BCKDHB: variants seen among roughly 807,000 people sequenced by gnomAD.
BCKDHB encodes the protein branched chain keto acid dehydrogenase E1 subunit beta, also known as 2-oxoisovalerate dehydrogenase subunit beta, mitochondrial.
BCKDHB carries 41 observed loss-of-function variants against 48.5 expected under a neutral mutation model. The ratio of observed to expected loss-of-function variants is 0.85; its 90% CI spans 0.66 to 1.10. The LOEUF (loss-of-function observed/expected upper bound fraction) is 1.10, where lower values mean the gene tolerates loss of function less well. Ranked by LOEUF, BCKDHB falls within the 50% of genes least tolerant of loss-of-function variation. The probability of loss-of-function intolerance (pLI) is 0.00; values close to 1 mark genes in which losing one functional copy is unlikely to be tolerated. For missense variants in BCKDHB, 496 were observed against 494.2 expected (o/e 1.00, Z -0.03); for synonymous variants, 201 against 174.8 (o/e 1.15, Z -1.18).
the BCKDHB span, among the ~76,000 whole-genome samples, chr6:80,417,562 G>T: frequency 6.6e-6 from 1 of 152,174 alleles, no homozygotes; most frequent in African/African-American, 2.4e-5. Flanking sequence ...GCATTTGCTT[G>T]TCTGCAAAAG....
intron 3 of BCKDHB, among the ~76,000 whole-genome samples, 189 bp from the exon 4 acceptor site, chr6:80,167,489 G>T (rs1178568097): frequency 6.6e-6 from 1 of 151,758 alleles, no homozygotes; most frequent in South Asian, 2.1e-4. Context: ...TAATCCTCTT[G>T]CCTTGGCCTC....
At chr6:80,405,324 C>A in the BCKDHB span, among the ~76,000 whole-genome samples, 1 of 151,964 alleles carries the variant, frequency 6.6e-6, no homozygotes, top group African/African-American at 2.4e-5. Flanking sequence ...CACTTAAAGT[C>A]TATTTTGTCT....
At chr6:80,363,234 C>A in the BCKDHB span, among the ~76,000 whole-genome samples, 1 of 152,122 alleles carries the variant, frequency 6.6e-6, no homozygotes, top group East Asian at 1.9e-4. Context: ...AAAGTAATTT[C>A]CAAAAGGTCA....
intron 8 of BCKDHB, among the ~76,000 whole-genome samples, chr6:80,254,133 C>T (rs76222136): frequency 0.051 from 7,750 of 151,748 alleles, 658 homozygotes; most frequent in African/African-American, 0.18. Flanking sequence ...TCATAATCAA[C>T]TCCCAAAAGG....
In BCKDHB at chr6:80,127,493, T is replaced by G. The variant is rs1320065066; in HGVS notation, c.197-54T>G. ...TTGTAATTAACTGTTAAGAAACTGGTTGTTTTTATGTATTTTACAACACAC... is the reference window on the plus strand; with the variant it reads ...TTGTAATTAACTGTTAAGAAACTGGGTGTTTTTATGTATTTTACAACACAC... On this transcript the variant is annotated intron_variant, in intron 1 of 9. Transcript: ENST00000320393. 17 of 1,410,886 alleles carry G rather than the reference T, an allele frequency of 1.2e-5. No homozygotes were observed. The Admixed American group carries it at 2.7e-4, about 22-fold the overall frequency. 87.4% of individuals were successfully genotyped at this position (1,410,886 alleles called of 1,614,324 possible).
At chr6:80,465,621 C>T in the BCKDHB span, 1 of 152,184 alleles carries the variant, frequency 6.6e-6, no homozygotes, top group Non-Finnish European at 1.5e-5. Context: ...CCTCCTTCCA[C>T]CCGTAGGCAA....
chr6:80,281,853 A>G (rs1005873088), intron 9 of BCKDHB, among the ~76,000 whole-genome samples: 4 of 131,924 alleles, frequency 3.0e-5, no homozygotes, highest in Non-Finnish European at 6.7e-5. Flanking sequence ...TAAACTCTAA[A>G]TGAACTTAGA....
intron 8 of BCKDHB, among the ~76,000 whole-genome samples, chr6:80,212,910 G>A (rs965876361): frequency 1.3e-5 from 2 of 152,144 alleles, no homozygotes; most frequent in African/African-American, 4.8e-5. Flanking sequence ...GTAGTGATTA[G>A]CATGAGCTAA....
At chr6:80,253,660 A>G (rs1354255684) in intron 8 of BCKDHB, among the ~76,000 whole-genome samples, 1 of 152,214 alleles carries the variant, frequency 6.6e-6, no homozygotes, top group African/African-American at 2.4e-5. Flanking sequence ...TTTACCATGC[A>G]TAGAAATCAT....
the BCKDHB span, among the ~76,000 whole-genome samples, chr6:80,455,734 A>G: frequency 6.6e-6 from 1 of 151,962 alleles, no homozygotes. Flanking sequence ...TGCAATTCTT[A>G]AAATCCTTAA....
the BCKDHB span, among the ~76,000 whole-genome samples, chr6:80,458,686 T>C: frequency 6.6e-5 from 10 of 152,236 alleles, no homozygotes; most frequent in Non-Finnish European, 4.4e-5. Context: ...CAGGTAACTA[T>C]AGTAATCAAT....
chr6:80,265,344 T>C (rs1043627739), intron 8 of BCKDHB, among the ~76,000 whole-genome samples: 1 of 152,092 alleles, frequency 6.6e-6, no homozygotes, highest in African/African-American at 2.4e-5. Flanking sequence ...AAATGTGATA[T>C]ATACATACAG....
At chr6:80,291,454 C>T (rs1422199245) in intron 9 of BCKDHB, among the ~76,000 whole-genome samples, 1 of 152,188 alleles carries the variant, frequency 6.6e-6, no homozygotes, top group Admixed American at 6.5e-5. Context: ...GACTATTCTG[C>T]ATTCCTGCAC....
chr6:80,233,554 T>G (rs1357551357), intron 8 of BCKDHB, among the ~76,000 whole-genome samples: 1 of 152,228 alleles, frequency 6.6e-6, no homozygotes, highest in East Asian at 1.9e-4. Flanking sequence ...AAGTGCTTCT[T>G]ATTTTTCTGA....
rs145746867 is a variant in BCKDHB at position 80,221,575 on chromosome 6, C to T, written c.951+18363C>T. ...GATTTTCTAGGTGGGTAATCATATT[C>T]TGTAAGTAAAACCTATTTTCATCTC... On this transcript the variant is annotated intron_variant, in intron 8 of 9. Transcript: ENST00000320393. Among the ~76,000 whole-genome samples, 69 of 152,146 alleles carry T rather than the reference C, an allele frequency of 4.5e-4. No homozygotes were observed. In the South Asian group the frequency reaches 8.3e-3, roughly 18 times the overall value.
intron 8 of BCKDHB, among the ~76,000 whole-genome samples, chr6:80,210,151 A>C (rs1380171475): frequency 3.3e-5 from 5 of 151,576 alleles, no homozygotes; most frequent in African/African-American, 1.2e-4. Flanking sequence ...AAAAAAAAAA[A>C]AAACCAGAAG....
rs114284175 is a variant in BCKDHB at position 80,251,019 on chromosome 6, C to A, written c.952-22116C>A. ...TTAAGAATTGTACTTCTGGTTGTCCCGGGAGATTAGGATTCTTGTTTGGCT... is the reference window on the plus strand; with the variant it reads ...TTAAGAATTGTACTTCTGGTTGTCCAGGGAGATTAGGATTCTTGTTTGGCT... On this transcript the variant is annotated intron_variant, in intron 8 of 9. Transcript: ENST00000320393. Among the ~76,000 whole-genome samples the A allele has an allele frequency of 5.8e-3, 879 of 152,136 alleles. 11 individuals carry two copies. Among genetic ancestry groups the A allele is most frequent in the African/African-American group, 0.02 (843 of 41,498 alleles).
In BCKDHB at chr6:80,121,659, T is replaced by C. The variant is rs561216068; in HGVS notation, c.197-5888T>C. 9.8e-5 allele frequency among the ~76,000 whole-genome samples: 15 copies of C among 152,304 alleles called. 1 individual carries two copies. In the East Asian group the frequency reaches 2.9e-3, roughly 29 times the overall value. On this transcript the variant is annotated intron_variant, in intron 1 of 9. Coordinates refer to ENST00000320393, the MANE Select transcript of BCKDHB (RefSeq NM_183050.4). Reference sequence around the variant, plus strand: ...GGAGTTCACTCATGATTTGGCTCTCTGTTAATGGTGTATAGGAATGCTTGT... The same window carrying C: ...GGAGTTCACTCATGATTTGGCTCTCCGTTAATGGTGTATAGGAATGCTTGT...
chr6:80,431,953 G>A, the BCKDHB span, among the ~76,000 whole-genome samples: 1 of 152,164 alleles, frequency 6.6e-6, no homozygotes, highest in Non-Finnish European at 1.5e-5. Flanking sequence ...CACTTATGAA[G>A]CTTAGTTTGG....
Sources: allele counts gnomAD v4.1 joint callset (sites outside exome capture counted in the v4.1 genomes callset), GRCh38; gene constraint gnomAD v4.1.1; transcripts MANE v1.5; gene names NCBI Gene and HGNC (gene_info 2026-07-23, HGNC 2026-07-21).